Variants in GPR21 observed in about 807,000 individuals in gnomAD.
GPR21 encodes the protein G protein-coupled receptor 21.
Under a neutral mutation model 21.5 loss-of-function variants are expected in GPR21, and 9 were observed. The ratio of observed to expected loss-of-function variants is 0.42; its 90% CI spans 0.25 to 0.73. The LOEUF is 0.73. Among genes scored for constraint, GPR21 ranks in the 30% least tolerant of loss-of-function variants. The probability of loss-of-function intolerance (pLI) is 0.27; values close to 1 mark genes in which losing one functional copy is unlikely to be tolerated. For missense variants in GPR21, 416 were observed against 428.9 expected (o/e 0.97, Z 0.27); for synonymous variants, 169 against 159.3 (o/e 1.06, Z -0.46).
chr9:123,046,544 G>C, the GPR21 span, among the ~76,000 whole-genome samples: 1 of 152,130 alleles, frequency 6.6e-6, no homozygotes, highest in Admixed American at 6.6e-5. Context: ...GTACATAATC[G>C]TTCTAAGTCT....
In GPR21 at chr9:123,035,355, C is replaced by T. The variant is rs2032576366; in HGVS notation, c.789C>T (p.Ile263=). Residue 263 remains isoleucine (I), a synonymous_variant, in exon 2 of 2, where the codon ATC becomes ATT. Transcript: ENST00000616002. ...VLFRITSVFY[I]LWLPYIIYFL... ...TTCGAATCACTAGTGTATTTTACATCCTCTGGTTGCCATATATCATCTACT... is the reference window on the plus strand; with the variant it reads ...TTCGAATCACTAGTGTATTTTACATTCTCTGGTTGCCATATATCATCTACT... 1 of 1,614,124 alleles carries T rather than the reference C, an allele frequency of 6.2e-7. No individual in the cohort carries two copies. The highest frequency in any genetic ancestry group is 1.1e-5 in the South Asian group (1 of 91,072).
intron 1 of GPR21, 45 bp downstream of exon 1, chr9:123,033,787 T>C (rs981596437): frequency 5.3e-5 from 8 of 152,216 alleles, no homozygotes; most frequent in Admixed American, 5.2e-4. Context: ...TGTTGAAATG[T>C]TTTCAAAGAG....
Position 123,035,444 on chromosome 9 carries a change from C to G in GPR21, c.878C>G (p.Ala293Gly), listed in dbSNP as rs1588307992. ...RFASFLTTWL[A>G]ISNSFCNCVI... The stretch of plus-strand genomic sequence containing the variant: ...GCATCCTTCTTGACCACCTGGCTTG[C>G]TATTAGTAACAGTTTCTGCAACTGT... The change falls in exon 2 of 2, where the codon GCT becomes GGT. Residue 293 changes from alanine (A) to glycine (G), a missense_variant. Ala to Gly is a moderately conservative substitution (Grantham distance 60, BLOSUM62 0). Coordinates refer to ENST00000616002, the MANE Select transcript of GPR21 (RefSeq NM_005294.3). The G allele has an allele frequency of 6.2e-7, 1 of 1,614,164 alleles. No individual in the cohort carries two copies. The highest frequency in any genetic ancestry group is 2.2e-5 in the East Asian group (1 of 44,886).
the GPR21 span, among the ~76,000 whole-genome samples, chr9:123,042,867 G>A: frequency 2.0e-5 from 3 of 152,178 alleles, no homozygotes; most frequent in African/African-American, 7.2e-5. Context: ...ATGGCAAATT[G>A]TTATAAAATT....
the GPR21 span, among the ~76,000 whole-genome samples, chr9:123,043,857 T>G: frequency 3.3e-5 from 5 of 152,098 alleles, no homozygotes; most frequent in Non-Finnish European, 7.4e-5. Flanking sequence ...CATTGTAAGC[T>G]TTGTACTGTT....
At chr9:123,035,702 C>A (rs1449438588), downstream of GPR21, 10 of 844,878 alleles carry the variant, frequency 1.2e-5, no homozygotes, top group Non-Finnish European at 1.6e-5. Context: ...TCTAAGTATT[C>A]CTAATTCACT....
Position 123,034,588 on chromosome 9 carries a change from A to G in GPR21, c.22A>G (p.Asn8Asp). The G allele has an allele frequency of 6.2e-7, 1 of 1,607,442 alleles. No individual in the cohort carries two copies. The highest frequency in any genetic ancestry group is 8.5e-7 in the Non-Finnish European group (1 of 1,176,532). Reference protein sequence around the residue: MNSTLDGNQSSHPFCLLA... With the variant: MNSTLDGDQSSHPFCLLA... ...CAAGATGAACTCCACCTTGGATGGT[A>G]ATCAGAGCAGCCACCCTTTTTGCCT... The change falls in exon 2 of 2, where the codon AAT (asparagine) becomes GAT (aspartate). Residue 8 changes from asparagine to aspartate, a missense_variant. Physicochemically the swap from Asn to Asp is conservative, Grantham distance 23. Transcript: ENST00000616002.
chr9:123,047,938 T>G, the GPR21 span, among the ~76,000 whole-genome samples: 35 of 129,098 alleles, frequency 2.7e-4, no homozygotes, highest in African/African-American at 7.8e-4. Context: ...TTTTTTTTTT[T>G]TTTTTTTTTT....
chr9:123,035,004 A>C lies in GPR21; in HGVS notation c.438A>C (p.Leu146=). ...ATACTCTGGTTACACCCTGGAGACT[A>C]CGCCTGTGTATTTTCCTGATTTGGC... ...TYNTLVTPWR[L]RLCIFLIWLY... Residue 146 remains leucine (L), a synonymous_variant, in exon 2 of 2, where the codon CTA becomes CTC. Transcript: ENST00000616002. 2 of 1,613,462 alleles carry C rather than the reference A, an allele frequency of 1.2e-6. No homozygotes were observed.
rs1313786023 is a variant in GPR21, at chr9:123,035,442, T to G, written c.876T>G (p.Leu292=). The G allele has an allele frequency of 1.2e-6, 2 of 1,614,086 alleles. No homozygotes were observed. The highest frequency in any genetic ancestry group is 4.5e-5 in the East Asian group (2 of 44,904). ...NRFASFLTTW[L]AISNSFCNCV... is the part of the protein sequence containing the mutation. The stretch of plus-strand genomic sequence containing the variant: ...TCGCATCCTTCTTGACCACCTGGCT[T>G]GCTATTAGTAACAGTTTCTGCAACT... The change falls in exon 2 of 2, where the codon CTT becomes CTG. Residue 292 remains leucine (L), a synonymous_variant. Coordinates refer to ENST00000616002, the MANE Select transcript of GPR21 (RefSeq NM_005294.3).
chr9:123,034,591 C>A lies in GPR21; in HGVS notation c.25C>A (p.Gln9Lys). 6.2e-7 allele frequency: 1 copy of A among 1,608,132 alleles called. No individual in the cohort carries two copies. Among genetic ancestry groups the A allele is most frequent in the Non-Finnish European group, 8.5e-7 (1 of 1,176,974 alleles). The change falls in exon 2 of 2, where the codon CAG becomes AAG. Residue 9 changes from glutamine (Q) to lysine (K), a missense_variant. Gln to Lys is a moderately conservative substitution (Grantham distance 53, BLOSUM62 1). Coordinates refer to ENST00000616002, the MANE Select transcript of GPR21 (RefSeq NM_005294.3). ...GATGAACTCCACCTTGGATGGTAAT[C>A]AGAGCAGCCACCCTTTTTGCCTCTT... MNSTLDGN[Q>K]SSHPFCLLAF... is the part of the protein sequence containing the mutation.
Position 123,035,636 on chromosome 9 carries a change from T to C in GPR21, c.*20T>C. On this transcript the variant is annotated 3_prime_UTR_variant, in exon 2 of 2. Transcript: ENST00000616002. The stretch of plus-strand genomic sequence containing the variant: ...ATCTGAAGTGGCTCAGTTACGGGGT[T>C]CCCGTGTGTGTGTGTGTGTGTGTGT... 4 of 1,260,942 alleles carry C rather than the reference T, an allele frequency of 3.2e-6. No individual in the cohort carries two copies. Among genetic ancestry groups the C allele is most frequent in the African/African-American group, 1.6e-5 (1 of 63,532 alleles). The allele number at this position is 1,260,942 out of a possible 1,614,324, so 78.1% of individuals were successfully genotyped here.
At chr9:123,044,010 C>T in the GPR21 span, among the ~76,000 whole-genome samples, 4 of 151,308 alleles carry the variant, frequency 2.6e-5, no homozygotes, top group Admixed American at 2.6e-4. Context: ...AGGCCATTCT[C>T]CTGCCTCAGC....
At chr9:123,044,661 ATG>A in the GPR21 span, among the ~76,000 whole-genome samples, 3 of 149,622 alleles carry the variant, frequency 2.0e-5, no homozygotes, top group Non-Finnish European at 2.9e-5. Flanking sequence ...GTGTATGTGT[ATG>A]TATATGAGTA....
the GPR21 span, among the ~76,000 whole-genome samples, chr9:123,045,061 TG>T: frequency 1.3e-5 from 2 of 152,246 alleles, no homozygotes; most frequent in African/African-American, 4.8e-5. Context: ...ATGAAAGATT[TG>T]TTGGCTTGTT....
At chr9:123,036,339 T>C (rs564540401), downstream of GPR21, among the ~76,000 whole-genome samples, 1 of 152,350 alleles carries the variant, frequency 6.6e-6, no homozygotes, top group East Asian at 1.9e-4. Flanking sequence ...TATGTGTGCG[T>C]AGAAGTAATC....
the GPR21 span, among the ~76,000 whole-genome samples, chr9:123,047,479 T>C: frequency 6.6e-6 from 1 of 152,222 alleles, no homozygotes; most frequent in African/African-American, 2.4e-5. Flanking sequence ...GATACTAATA[T>C]ACTTTGCTTG....
At chr9:123,033,789 T>C (rs1198400457) in intron 1 of GPR21, 47 bp downstream of exon 1, 1 of 152,246 alleles carries the variant, frequency 6.6e-6, no homozygotes, top group Non-Finnish European at 1.5e-5. Flanking sequence ...TTGAAATGTT[T>C]TCAAAGAGGC....
exon 2 of GPR21, chr9:123,035,639 CGTGTGTGTGTGTGT>C (rs5900552): frequency 0.099 from 67,780 of 685,208 alleles, 3,007 homozygotes; most frequent in African/African-American, 0.34. Flanking sequence ...ACGGGGTTCC[CGTGTGTGTGTGTGT>C]GTGTGTGTGT....
Sources: allele counts gnomAD v4.1 joint callset (sites outside exome capture counted in the v4.1 genomes callset), GRCh38; gene constraint gnomAD v4.1.1; transcripts MANE v1.5; gene names NCBI Gene and HGNC (gene_info 2026-07-23, HGNC 2026-07-21).